Variants in PTPRD observed in about 807,000 individuals in gnomAD.
The protein encoded by PTPRD is protein tyrosine phosphatase receptor type D, also known as receptor-type tyrosine-protein phosphatase delta.
PTPRD carries 34 observed loss-of-function variants against 214.5 expected under a neutral mutation model. The ratio of observed to expected loss-of-function variants is 0.16; its 90% CI spans 0.12 to 0.21. The LOEUF (loss-of-function observed/expected upper bound fraction) is 0.21, where lower values mean the gene tolerates loss of function less well. Among genes scored for constraint, PTPRD ranks in the 10% least tolerant of loss-of-function variants. The probability of loss-of-function intolerance (pLI) is 1.00; values close to 1 mark genes in which losing one functional copy is unlikely to be tolerated. For synonymous variants in PTPRD, 1,128 were observed against 845.7 expected (o/e 1.33, Z -5.79); for missense variants, 2,545 against 2,398.7 (o/e 1.06, Z -1.27).
At chr9:9,323,294 C>T (rs943587664) in intron 9 of PTPRD, among the ~76,000 whole-genome samples, 6 of 151,992 alleles carry the variant, frequency 3.9e-5, no homozygotes, top group Non-Finnish European at 8.8e-5. Context: ...GATAATAATG[C>T]TTACAAAGTT....
At chr9:9,332,485 C>G (rs1437898916) in intron 9 of PTPRD, among the ~76,000 whole-genome samples, 1 of 151,106 alleles carries the variant, frequency 6.6e-6, no homozygotes, top group African/African-American at 2.4e-5. Flanking sequence ...TCACACTGTA[C>G]CAAATATAGA....
chr9:9,521,966 TG>T (rs368397339), intron 8 of PTPRD, among the ~76,000 whole-genome samples: 11 of 152,204 alleles, frequency 7.2e-5, no homozygotes, highest in African/African-American at 2.4e-4. Flanking sequence ...GAGACGAGCC[TG>T]ACCAACGTGG....
chr9:9,254,723 A>C (rs1201106254), intron 9 of PTPRD, among the ~76,000 whole-genome samples: 1 of 152,076 alleles, frequency 6.6e-6, no homozygotes, highest in Non-Finnish European at 1.5e-5. Context: ...AAGAAATCTC[A>C]GCATACAAAC....
chr9:8,668,114 T>A (rs533429904), intron 12 of PTPRD, among the ~76,000 whole-genome samples: 64 of 152,260 alleles, frequency 4.2e-4, no homozygotes, highest in Non-Finnish European at 8.1e-4. Context: ...TAAAAATATA[T>A]CACCCTGGAA....
At chr9:9,728,325 A>C (rs1349342570) in intron 7 of PTPRD, among the ~76,000 whole-genome samples, 2 of 152,194 alleles carry the variant, frequency 1.3e-5, no homozygotes, top group Admixed American at 1.3e-4. Context: ...ATACTTTATG[A>C]GTCATAATTT....
At chr9:8,479,656 A>G (rs1002790399) in intron 30 of PTPRD, among the ~76,000 whole-genome samples, 1 of 152,272 alleles carries the variant, frequency 6.6e-6, no homozygotes. Flanking sequence ...TAAAAGTGCC[A>G]ATTTCCAATA....
chr9:9,349,752 C>A (rs769366610), intron 9 of PTPRD, among the ~76,000 whole-genome samples: 1 of 149,066 alleles, frequency 6.7e-6, no homozygotes, highest in South Asian at 2.1e-4. Flanking sequence ...TGGCACCCAT[C>A]ACATGTTTTT....
chr9:8,853,510 A>T (rs1221221075), intron 11 of PTPRD, among the ~76,000 whole-genome samples: 1 of 152,216 alleles, frequency 6.6e-6, no homozygotes, highest in Non-Finnish European at 1.5e-5. Flanking sequence ...AATTAGAAGC[A>T]AATGAGATTA....
At chr9:9,523,384 T>A (rs2097037920) in intron 8 of PTPRD, among the ~76,000 whole-genome samples, 2 of 152,152 alleles carry the variant, frequency 1.3e-5, no homozygotes, top group Non-Finnish European at 2.9e-5. Context: ...AGATATTGGG[T>A]TTAATTTATT....
At chr9:9,093,222 C>T (rs2099778783) in intron 10 of PTPRD, among the ~76,000 whole-genome samples, 1 of 151,912 alleles carries the variant, frequency 6.6e-6, no homozygotes, top group South Asian at 2.1e-4. Context: ...TTAAGCAAAT[C>T]CATAATTATA....
At chr9:10,183,152 A>AT (rs1339433997) in intron 3 of PTPRD, among the ~76,000 whole-genome samples, 5 of 152,282 alleles carry the variant, frequency 3.3e-5, no homozygotes, top group African/African-American at 1.2e-4. Context: ...AAAGTGTTCA[A>AT]TTTTTTAAAG....
chr9:9,516,267 T>C (rs1205286526), intron 8 of PTPRD, among the ~76,000 whole-genome samples: 1 of 130,458 alleles, frequency 7.7e-6, no homozygotes, highest in Admixed American at 7.6e-5. Flanking sequence ...CATATTTACT[T>C]AAGCTAAAAG....
chr9:10,517,513 T>C (rs1410444908), intron 2 of PTPRD, among the ~76,000 whole-genome samples: 3 of 152,064 alleles, frequency 2.0e-5, no homozygotes, highest in African/African-American at 7.2e-5. Flanking sequence ...ATTTGCATTT[T>C]TCCTTCATAG....
chr9:9,915,199 AAACT>A (rs1274044405), intron 5 of PTPRD, among the ~76,000 whole-genome samples: 1 of 152,194 alleles, frequency 6.6e-6, no homozygotes, highest in Admixed American at 6.5e-5. Flanking sequence ...ACACCCTACC[AAACT>A]GACAGCCCAA....
At chr9:10,326,552 G>C (rs1162264755) in intron 3 of PTPRD, among the ~76,000 whole-genome samples, 1 of 151,472 alleles carries the variant, frequency 6.6e-6, no homozygotes, top group African/African-American at 2.4e-5. Flanking sequence ...TAGATAAATT[G>C]TTTTTACACC....
intron 3 of PTPRD, among the ~76,000 whole-genome samples, chr9:10,301,795 T>C (rs542282899): frequency 9.2e-5 from 14 of 152,324 alleles, no homozygotes; most frequent in African/African-American, 2.9e-4. Context: ...CTACATTTGA[T>C]TGGTGTACCT....
intron 9 of PTPRD, among the ~76,000 whole-genome samples, chr9:9,345,754 T>C (rs1039796327): frequency 6.6e-6 from 1 of 152,142 alleles, no homozygotes; most frequent in Non-Finnish European, 1.5e-5. Flanking sequence ...CTCCATTTTT[T>C]CCTCTATAAA....
chr9:9,548,405 CT>C (rs1157663823), intron 8 of PTPRD, among the ~76,000 whole-genome samples: 2,066 of 118,532 alleles, frequency 0.017, 35 homozygotes, highest in African/African-American at 0.057. Context: ...GACTTTTTTT[CT>C]TTTTTTTTTT....
intron 10 of PTPRD, among the ~76,000 whole-genome samples, chr9:9,177,890 A>G (rs952244679): frequency 9.2e-5 from 14 of 152,202 alleles, no homozygotes; most frequent in Admixed American, 3.9e-4. Flanking sequence ...GCACATGCCT[A>G]TGATGGTATC....
Sources: allele counts gnomAD v4.1 joint callset (sites outside exome capture counted in the v4.1 genomes callset), GRCh38; gene constraint gnomAD v4.1.1; transcripts MANE v1.5; gene names NCBI Gene and HGNC (gene_info 2026-07-23, HGNC 2026-07-21).